The following OR1F1 variants were observed in gnomAD, a reference collection of about 807,000 sequenced individuals.
OR1F1 encodes olfactory receptor family 1 subfamily F member 1.
For missense variants in OR1F1, 493 were observed against 376.3 expected, an observed-to-expected ratio of 1.31 and a Z score of -2.57; for synonymous variants, 184 against 156.7, an observed-to-expected ratio of 1.17 and a Z score of -1.30.
At chr16:3,196,808 ACCTCAGCCT>A in the OR1F1 span, among the ~76,000 whole-genome samples, 1 of 147,658 alleles carries the variant, frequency 6.8e-6, no homozygotes, top group Non-Finnish European at 1.5e-5. Flanking sequence ...CTCCAGCCTC[ACCTCAGCCT>A]CCCAAGTAGC....
At chr16:3,194,307 T>C in the OR1F1 span, among the ~76,000 whole-genome samples, 1 of 152,216 alleles carries the variant, frequency 6.6e-6, no homozygotes, top group Admixed American at 6.5e-5. Context: ...TGTCTTTCTG[T>C]TTTAGAAAGC....
upstream of OR1F1, among the ~76,000 whole-genome samples, chr16:3,199,496 T>A (rs760618243): frequency 4.0e-5 from 6 of 151,788 alleles, no homozygotes; most frequent in Non-Finnish European, 8.8e-5. Flanking sequence ...TTACAAAAAA[T>A]TTAAAAATTA....
chr16:3,204,257 C>G (rs752460659), exon 1 of OR1F1: 1 of 1,605,586 alleles, frequency 6.2e-7, no homozygotes, highest in African/African-American at 1.3e-5. Context: ...ATGAGCGGGA[C>G]AAACCAGTCG....
the OR1F1 span, chr16:3,188,292 G>A: frequency 6.6e-6 from 1 of 152,176 alleles, no homozygotes. Context: ...CAGACGGACG[G>A]GCCTGAATCG....
Position 3,204,479 on chromosome 16 carries a change from T to A in OR1F1, c.233T>A (p.Val78Asp), listed in dbSNP as rs371507036. ...GACATCTGCTTCTCCTTCACCACCGTCCCCAAGATGCTGGCCAATCACATA... is the reference window on the plus strand; with the variant it reads ...GACATCTGCTTCTCCTTCACCACCGACCCCAAGATGCTGGCCAATCACATA... Residue 78 changes from valine (V) to aspartate (D), a missense_variant, in exon 1 of 1, where the codon GTC becomes GAC. Coordinates refer to ENST00000304646, the Ensembl canonical transcript of OR1F1. The A allele has an allele frequency of 5.0e-6, 8 of 1,613,976 alleles. No individual in the cohort carries two copies. In the African/African-American group the frequency reaches 5.3e-5, roughly 11 times the overall value.
At chr16:3,194,583 C>T in the OR1F1 span, among the ~76,000 whole-genome samples, 6 of 152,112 alleles carry the variant, frequency 3.9e-5, no homozygotes, top group African/African-American at 1.4e-4. Context: ...ACTCTGAGGC[C>T]CCAGATGTTT....
At chr16:3,202,660 AAATAATAATAAT>A (rs3064190), upstream of OR1F1, among the ~76,000 whole-genome samples, 14,857 of 141,766 alleles carry the variant, frequency 0.1, 2,196 homozygotes, top group African/African-American at 0.33. Flanking sequence ...TTCCATCTCA[AAATAATAATAAT>A]AATAATAATA....
chr16:3,203,057 A>G (rs1368929220), upstream of OR1F1, among the ~76,000 whole-genome samples: 4 of 152,188 alleles, frequency 2.6e-5, no homozygotes, highest in Non-Finnish European at 5.9e-5. Context: ...AGTTTCCTCT[A>G]GCAGAAGGAT....
At chr16:3,191,998 G>A in the OR1F1 span, among the ~76,000 whole-genome samples, 1 of 152,176 alleles carries the variant, frequency 6.6e-6, no homozygotes, top group Non-Finnish European at 1.5e-5. Context: ...TGGCTCGTTG[G>A]TCTAGGGGTA....
upstream of OR1F1, among the ~76,000 whole-genome samples, chr16:3,203,995 G>C (rs1460803572): frequency 6.6e-6 from 1 of 152,128 alleles, no homozygotes; most frequent in Non-Finnish European, 1.5e-5. Context: ...CAGACCTCTG[G>C]GTTGTTCCAT....
chr16:3,204,822 A>T, exon 1 of OR1F1: 1 of 1,614,088 alleles, frequency 6.2e-7, no homozygotes, highest in Non-Finnish European at 8.5e-7. Context: ...GCTCAGACAC[A>T]CACCTCAATG....
upstream of OR1F1, among the ~76,000 whole-genome samples, chr16:3,202,157 A>C (rs763428255): frequency 7.2e-5 from 11 of 152,208 alleles, no homozygotes; most frequent in Non-Finnish European, 1.6e-4. Context: ...GTTATTAATA[A>C]ATAAACATTG....
chr16:3,191,972 A>G, the OR1F1 span, among the ~76,000 whole-genome samples: 1 of 152,240 alleles, frequency 6.6e-6, no homozygotes, highest in African/African-American at 2.4e-5. Flanking sequence ...AAAGAAAAGT[A>G]AAGGGCCTGC....
At chr16:3,202,619 G>A (rs1194762503), upstream of OR1F1, among the ~76,000 whole-genome samples, 1 of 150,650 alleles carries the variant, frequency 6.6e-6, no homozygotes, top group Non-Finnish European at 1.5e-5. Flanking sequence ...GTGCACGCCT[G>A]TAGTACCTTG....
the OR1F1 span, among the ~76,000 whole-genome samples, chr16:3,195,187 A>G: frequency 3.3e-5 from 5 of 152,080 alleles, no homozygotes; most frequent in East Asian, 1.9e-4. Flanking sequence ...TCTCCCCCCA[A>G]CCGTTCCTTC....
chr16:3,191,652 T>C, the OR1F1 span, among the ~76,000 whole-genome samples: 1 of 152,100 alleles, frequency 6.6e-6, no homozygotes, highest in Admixed American at 6.5e-5. Flanking sequence ...CACATCGCGC[T>C]CTGTGATGGT....
chr16:3,204,602 C>T (rs1231657345), exon 1 of OR1F1: 1 of 1,614,140 alleles, frequency 6.2e-7, no homozygotes, highest in Non-Finnish European at 8.5e-7. Flanking sequence ...GCTGTGATGG[C>T]CTATGACCAC....
At chr16:3,191,999 T>G in the OR1F1 span, among the ~76,000 whole-genome samples, 1 of 151,992 alleles carries the variant, frequency 6.6e-6, no homozygotes, top group Admixed American at 6.6e-5. Flanking sequence ...GGCTCGTTGG[T>G]CTAGGGGTAT....
At chr16:3,204,548 T>C (rs748653177) in exon 1 of OR1F1, 2 of 1,614,126 alleles carry the variant, frequency 1.2e-6, no homozygotes, top group Non-Finnish European at 1.7e-6. Flanking sequence ...CTCACACAGA[T>C]GTATTTCGTT....
Sources: allele counts gnomAD v4.1 joint callset (sites outside exome capture counted in the v4.1 genomes callset), GRCh38; gene constraint gnomAD v4.1.1; transcripts MANE v1.5; gene names NCBI Gene and HGNC (gene_info 2026-07-23, HGNC 2026-07-21).